The following CFAP44 variants were observed in gnomAD, a reference collection of about 807,000 sequenced individuals.
CFAP44 encodes the protein cilia and flagella associated protein 44, also known as cilia- and flagella-associated protein 44.
CFAP44 carries 134 observed loss-of-function variants against 216.2 expected under a neutral mutation model. The observed-to-expected ratio is 0.62, with a 90% CI of 0.54 to 0.72. The LOEUF (loss-of-function observed/expected upper bound fraction) is 0.72. Ranked by LOEUF, CFAP44 falls within the 30% of genes least tolerant of loss-of-function variation. The pLI is 0.00. For missense variants in CFAP44, 2,035 were observed against 2,182.1 expected (o/e 0.93, Z 1.34); for synonymous variants, 700 against 727.6 (o/e 0.96, Z 0.61).
rs1426249362 is a variant in CFAP44 at position 113,326,440 on chromosome 3, C to T, written c.4516+5G>A. 6.7e-7 allele frequency: 1 copy of T among 1,488,894 alleles called. No individual in the cohort carries two copies. The highest frequency in any genetic ancestry group is 1.4e-5 in the African/African-American group (1 of 70,304). 92.2% of individuals were successfully genotyped at this position (1,488,894 alleles called of 1,614,324 possible). A position where few individuals can be genotyped will look rare whatever the true frequency, so the allele number is the denominator to read the frequency against. ...TAAGATCATATGCAAGAAAGAAATA[C>T]AAACCAGCATCTCCTTCAACTTCTT... is the stretch of plus-strand genomic sequence containing the variant. On this transcript the variant is annotated splice_donor_5th_base_variant and intron_variant, in intron 28 of 34. Transcript: ENST00000393845.
intron 22 of CFAP44, among the ~76,000 whole-genome samples, chr3:113,357,078 A>G (rs1020203828): frequency 4.6e-5 from 7 of 152,226 alleles, no homozygotes; most frequent in African/African-American, 1.7e-4. Flanking sequence ...ACAAACACCT[A>G]ACAACAGAAA....
chr3:113,409,121 C>T lies in CFAP44; in HGVS notation c.875G>A (p.Gly292Glu), dbSNP rs748601404. 6.2e-7 allele frequency: 1 copy of T among 1,612,852 alleles called. No individual in the cohort carries two copies. Among genetic ancestry groups the T allele is most frequent in the Non-Finnish European group, 8.5e-7 (1 of 1,179,658 alleles). The change falls in exon 7 of 35, where the codon GGA (glycine) becomes GAA (glutamate). Residue 292 changes from glycine (G) to glutamate (E), a missense_variant. By Grantham distance (98) the Gly-to-Glu change is moderately conservative (BLOSUM62 -2). Around this residue, in one of 3 missense-constraint regions of CFAP44, gnomAD observed 1,883 missense variants for 2,023.7 expected, o/e 0.93. Coordinates refer to ENST00000393845, the MANE Select transcript of CFAP44 (RefSeq NM_001164496.2). ...CCCAACCTACTTGATGTGGCCTGAT[C>T]CCGATGTAGTAAGCTGCTCTTCCTT... ...PDKEEQLTTS[G>E]SGHIKFWEMA...
chr3:113,331,027 A>C (rs1348112308), intron 25 of CFAP44, among the ~76,000 whole-genome samples: 1 of 152,144 alleles, frequency 6.6e-6, no homozygotes, highest in Non-Finnish European at 1.5e-5. Context: ...GAGGAAGGGA[A>C]AGGCAATTAA....
At chr3:113,372,209 C>A (rs1029606627) in intron 18 of CFAP44, among the ~76,000 whole-genome samples, 2 of 152,188 alleles carry the variant, frequency 1.3e-5, no homozygotes, top group Non-Finnish European at 2.9e-5. Flanking sequence ...TACCATTTGA[C>A]CCAGCCATCC....
intron 15 of CFAP44, among the ~76,000 whole-genome samples, chr3:113,382,674 A>G (rs1199215087): frequency 6.6e-6 from 1 of 152,238 alleles, no homozygotes; most frequent in East Asian, 1.9e-4. Flanking sequence ...GAGAAAGTAG[A>G]AACAAAAGGG....
At chr3:113,295,757 CCAAA>C (rs1336211193) in intron 33 of CFAP44, among the ~76,000 whole-genome samples, 2 of 152,182 alleles carry the variant, frequency 1.3e-5, no homozygotes, top group Non-Finnish European at 2.9e-5. Context: ...ACTGTATCAG[CCAAA>C]CAGTCTATGC....
intron 22 of CFAP44, among the ~76,000 whole-genome samples, chr3:113,355,761 T>C (rs1576566316): frequency 6.7e-6 from 1 of 149,804 alleles, no homozygotes; most frequent in Admixed American, 6.6e-5. Context: ...CCCTAGAATT[T>C]AAAGTATTAA....
At chr3:113,337,819 T>C (rs1248993743) in intron 24 of CFAP44, among the ~76,000 whole-genome samples, 2 of 152,136 alleles carry the variant, frequency 1.3e-5, no homozygotes, top group Non-Finnish European at 2.9e-5. Flanking sequence ...TGAAAAACTA[T>C]AAAATGTTTA....
rs774716195 is a variant in CFAP44, at chr3:113,400,007, A to G, written c.1475-7T>C. The G allele has an allele frequency of 1.2e-5, 18 of 1,539,494 alleles. No individual in the cohort carries two copies. The highest frequency in any genetic ancestry group is 1.5e-5 in the Non-Finnish European group (17 of 1,149,050). Reference sequence around the variant, plus strand: ...TCATAGATTCGAACAGAGCCTATAGAAAGACAGTTTTAAAAGAAAAAAAAT... The same window carrying G: ...TCATAGATTCGAACAGAGCCTATAGGAAGACAGTTTTAAAAGAAAAAAAAT... On this transcript the variant is annotated splice_polypyrimidine_tract_variant and splice_region_variant and intron_variant, in intron 12 of 34. Coordinates refer to ENST00000393845, the MANE Select transcript of CFAP44 (RefSeq NM_001164496.2).
At chr3:113,385,440 AAG>A (rs1933622194) in intron 15 of CFAP44, among the ~76,000 whole-genome samples, 1 of 152,198 alleles carries the variant, frequency 6.6e-6, no homozygotes, top group African/African-American at 2.4e-5. Flanking sequence ...GCCTCAAAGA[AAG>A]AGAGTTTATA....
intron 19 of CFAP44, among the ~76,000 whole-genome samples, chr3:113,365,458 A>T (rs1031427910): frequency 1.1e-4 from 17 of 152,208 alleles, no homozygotes; most frequent in African/African-American, 3.1e-4. Flanking sequence ...ATTGCTTGAT[A>T]ATATGAAATT....
chr3:113,407,303 A>G (rs1436766907), intron 7 of CFAP44, among the ~76,000 whole-genome samples: 2 of 152,236 alleles, frequency 1.3e-5, no homozygotes, highest in African/African-American at 2.4e-5. Context: ...TACCTAATGC[A>G]GTACCCTCCA....
At chr3:113,328,368 G>A (rs1320048138) in intron 26 of CFAP44, among the ~76,000 whole-genome samples, 2 of 150,712 alleles carry the variant, frequency 1.3e-5, no homozygotes, top group Non-Finnish European at 3.0e-5. Context: ...AGTATCCCAA[G>A]TCCTGGTCCA....
chr3:113,328,695 T>TGAAA (rs1950210721), intron 26 of CFAP44, among the ~76,000 whole-genome samples: 1 of 72,346 alleles, frequency 1.4e-5, no homozygotes, highest in South Asian at 5.0e-4. Context: ...TTTAGAGAGC[T>TGAAA]TAAAAAAAAA....
At chr3:113,303,856 G>C in intron 32 of CFAP44, 60 bp downstream of exon 32, 1 of 1,510,042 alleles carries the variant, frequency 6.6e-7, no homozygotes, top group South Asian at 1.2e-5. Context: ...ACAGTCACCT[G>C]GATAATTCCC....
chr3:113,294,884 G>C lies in CFAP44; in HGVS notation c.5239-63C>G. 5.4e-6 allele frequency: 8 copies of C among 1,468,842 alleles called. No individual in the cohort carries two copies. The South Asian group carries it at 1.1e-4, about 21-fold the overall frequency. 91.0% of individuals were successfully genotyped at this position (1,468,842 alleles called of 1,614,324 possible). On this transcript the variant is annotated intron_variant, in intron 33 of 34. Coordinates refer to ENST00000393845, the MANE Select transcript of CFAP44 (RefSeq NM_001164496.2). ...TACGAGAAGAAAGAAAGAAAAATGA[G>C]TGTCCAGATTTGGTCAAAATCATCA... is the stretch of plus-strand genomic sequence containing the variant.
At chr3:113,406,430 C>T (rs937229873) in intron 8 of CFAP44, among the ~76,000 whole-genome samples, 1 of 152,142 alleles carries the variant, frequency 6.6e-6, no homozygotes, top group Non-Finnish European at 1.5e-5. Flanking sequence ...CAAGACCATC[C>T]TGGCTAACAC....
At chr3:113,405,976 T>C (rs1934266107) in intron 8 of CFAP44, among the ~76,000 whole-genome samples, 1 of 152,186 alleles carries the variant, frequency 6.6e-6, no homozygotes, top group South Asian at 2.1e-4. Context: ...GACAACTTGG[T>C]TCCTTAAATA....
chr3:113,416,572 A>C lies in CFAP44; in HGVS notation c.626T>G (p.Ile209Ser), dbSNP rs1290954920. The C allele has an allele frequency of 6.2e-7, 1 of 1,612,750 alleles. No individual in the cohort carries two copies. Among genetic ancestry groups the C allele is most frequent in the Admixed American group, 1.7e-5 (1 of 59,900 alleles). ...CAGAGAAGGATATTCATAGATGATA[A>C]TATCTGGAAAACTCCCTTTTTCAGC... The part of the protein sequence containing the change: ...TVAEKGSFPD[I>S]IIYEYPSLRP... The change falls in exon 6 of 35, where the codon ATT becomes AGT. Residue 209 changes from isoleucine to serine, a missense_variant. This residue lies in a region of CFAP44 where 1,883 missense variants were observed against 2,023.7 expected (regional missense o/e 0.93). Transcript: ENST00000393845.
Sources: allele counts gnomAD v4.1 joint callset (sites outside exome capture counted in the v4.1 genomes callset), GRCh38; gene constraint gnomAD v4.1.1; regional missense constraint gnomAD v4.1.1; transcripts MANE v1.5; gene names NCBI Gene and HGNC (gene_info 2026-07-23, HGNC 2026-07-21).